DAB2IP: variants seen among roughly 807,000 people sequenced by gnomAD.
DAB2IP encodes the protein DAB2 interacting protein.
In DAB2IP, 28 loss-of-function variants were observed where a neutral mutation model predicts 107.2. The observed-to-expected ratio is 0.26, with a 90% CI of 0.19 to 0.36. The LOEUF is 0.36. DAB2IP is among the 10% of genes least tolerant of loss of function. The pLI is 1.00. For synonymous variants in DAB2IP, 755 were observed against 706.4 expected, an observed-to-expected ratio of 1.07 and a Z score of -1.09; for missense variants, 1,400 against 1,644.7, an observed-to-expected ratio of 0.85 and a Z score of 2.57.
At chr9:121,770,671 C>A (rs376071498) in exon 11 of DAB2IP, 2 of 1,614,118 alleles carry the variant, frequency 1.2e-6, no homozygotes, top group Non-Finnish European at 1.7e-6. Context: ...GCTCTGGCAG[C>A]AGCAGCATCT....
chr9:121,659,161 G>T (rs1833092096), intron 1 of DAB2IP, among the ~76,000 whole-genome samples: 1 of 152,230 alleles, frequency 6.6e-6, no homozygotes, highest in African/African-American at 2.4e-5. Flanking sequence ...GAAGAGGAGA[G>T]AGTGGGGCCC....
At chr9:121,660,050 A>G (rs1366137063) in intron 1 of DAB2IP, among the ~76,000 whole-genome samples, 1 of 151,990 alleles carries the variant, frequency 6.6e-6, no homozygotes, top group Non-Finnish European at 1.5e-5. Context: ...AGGTTAGCAG[A>G]TGGTGTGACT....
At chr9:121,745,792 C>T (rs1832682426) in intron 3 of DAB2IP, among the ~76,000 whole-genome samples, 1 of 152,244 alleles carries the variant, frequency 6.6e-6, no homozygotes, top group Non-Finnish European at 1.5e-5. Context: ...CTTCCCTTCA[C>T]ATCTTCACCT....
chr9:121,584,699 T>A (rs556670084), intron 1 of DAB2IP, among the ~76,000 whole-genome samples: 3 of 152,150 alleles, frequency 2.0e-5, no homozygotes, highest in Non-Finnish European at 4.4e-5. Context: ...ACTTAGTTTC[T>A]GGGGCAAAGG....
intron 3 of DAB2IP, among the ~76,000 whole-genome samples, chr9:121,719,935 CACT>C (rs2118812113): frequency 6.6e-6 from 1 of 152,298 alleles, no homozygotes; most frequent in South Asian, 2.1e-4. Flanking sequence ...GTGTGGGGGC[CACT>C]AAGAGAGTGT....
intron 1 of DAB2IP, among the ~76,000 whole-genome samples, chr9:121,611,588 A>G (rs995508399): frequency 6.6e-6 from 1 of 151,980 alleles, no homozygotes; most frequent in Non-Finnish European, 1.5e-5. Context: ...TATTATTATT[A>G]TTTTTTAATT....
exon 6 of DAB2IP, chr9:121,759,894 C>T (rs745539654): frequency 1.1e-5 from 18 of 1,612,588 alleles, no homozygotes; most frequent in Middle Eastern, 1.6e-4. Flanking sequence ...GGACAACAGC[C>T]GGCGTGTGGA....
chr9:121,659,261 A>G (rs939908190), intron 1 of DAB2IP, among the ~76,000 whole-genome samples: 2 of 152,178 alleles, frequency 1.3e-5, no homozygotes. Flanking sequence ...CTGGAAACCA[A>G]TAAATTGGTA....
In DAB2IP at chr9:121,782,614, C is replaced by T. The variant is rs1023734068; in HGVS notation, c.*116C>T. On this transcript the variant is annotated 3_prime_UTR_variant, in exon 16 of 16. Coordinates refer to ENST00000408936, the Ensembl canonical transcript of DAB2IP. The surrounding 1 kb of genome is among the most constrained non-coding windows in gnomAD (Gnocchi z 6.1). ...AGCCCCAGCGCGGGTGTCAGGAGGC[C>T]GAGCCTCCCCTCCCTGCCGCTGTCC... 35 of 1,512,034 alleles carry T rather than the reference C, an allele frequency of 2.3e-5. No individual in the cohort carries two copies. The African/African-American group carries it at 2.5e-4, about 11-fold the overall frequency. 93.7% of individuals were successfully genotyped at this position (1,512,034 alleles called of 1,614,324 possible). A position where few individuals can be genotyped will look rare whatever the true frequency, so the allele number is the denominator to read the frequency against.
At chr9:121,643,392 T>C (rs1463481179) in intron 1 of DAB2IP, among the ~76,000 whole-genome samples, 1 of 151,986 alleles carries the variant, frequency 6.6e-6, no homozygotes, top group Non-Finnish European at 1.5e-5. Context: ...GTTCTGCCCT[T>C]ACCACTTCTC....
At chr9:121,597,640 T>C (rs536708284) in intron 1 of DAB2IP, among the ~76,000 whole-genome samples, 1 of 152,310 alleles carries the variant, frequency 6.6e-6, no homozygotes, top group East Asian at 1.9e-4. Context: ...AATGCTTTTG[T>C]TTACAAAAGG....
At position 121,609,392 on chromosome 9, in the gene DAB2IP, A is replaced by C. The variant is rs540823195; in HGVS notation, c.40+42164A>C. Among the ~76,000 whole-genome samples, 8 of 152,208 alleles carry C rather than the reference A, an allele frequency of 5.3e-5. No homozygotes were observed. In the South Asian group the frequency reaches 1.5e-3, roughly 28 times the overall value. ...TTTTACAGGCTGTCTAGTGCATCTG[A>C]CACCCTGCCACTGACAAGCTCCCAG... On this transcript the variant is annotated intron_variant, in intron 1 of 16. Transcript: ENST00000259371.
At chr9:121,592,880 C>A (rs1242668465) in intron 1 of DAB2IP, among the ~76,000 whole-genome samples, 1 of 152,104 alleles carries the variant, frequency 6.6e-6, no homozygotes, top group Non-Finnish European at 1.5e-5. Context: ...CATGTGAGAA[C>A]AGACTGGAGG....
At chr9:121,676,350 T>C (rs867387812) in intron 1 of DAB2IP, among the ~76,000 whole-genome samples, 6 of 152,182 alleles carry the variant, frequency 3.9e-5, no homozygotes, top group East Asian at 3.8e-4. Context: ...TGTGTGTGTG[T>C]GCGCACGTCC....
intron 8 of DAB2IP, among the ~76,000 whole-genome samples, chr9:121,765,944 G>T (rs1177988174): frequency 6.6e-6 from 1 of 152,060 alleles, no homozygotes; most frequent in Non-Finnish European, 1.5e-5. Context: ...CCATCTTCTT[G>T]ATCTTTCTGA....
intron 3 of DAB2IP, among the ~76,000 whole-genome samples, chr9:121,716,584 C>T (rs928408995): frequency 7.9e-5 from 12 of 152,172 alleles, no homozygotes; most frequent in African/African-American, 2.9e-4. Flanking sequence ...TAGAGACTGG[C>T]CCTGAGAGTA....
chr9:121,626,258 C>T (rs1245779854), intron 1 of DAB2IP, among the ~76,000 whole-genome samples: 12 of 151,720 alleles, frequency 7.9e-5, no homozygotes. Context: ...CTGGAGGCTG[C>T]AGAGATATAT....
At chr9:121,720,040 A>G (rs1830833302) in intron 3 of DAB2IP, among the ~76,000 whole-genome samples, 2 of 152,100 alleles carry the variant, frequency 1.3e-5, no homozygotes, top group Non-Finnish European at 2.9e-5. Context: ...AAGCCTGGCA[A>G]CTCTCTTCAA....
At position 121,678,794 on chromosome 9, in the gene DAB2IP, G is replaced by T; in HGVS notation, c.228+13G>T. 6.4e-7 allele frequency: 1 copy of T among 1,557,194 alleles called. No individual in the cohort carries two copies. Among genetic ancestry groups the T allele is most frequent in the Non-Finnish European group, 8.7e-7 (1 of 1,146,884 alleles). On this transcript the variant is annotated intron_variant, in intron 2 of 15. Coordinates refer to ENST00000408936, the Ensembl canonical transcript of DAB2IP. Reference sequence around the variant, plus strand: ...GTTCCGGGTCACGGTAACTATCTCTGCGTCACCAACACCGCCACTGCCACC... The same window carrying T: ...GTTCCGGGTCACGGTAACTATCTCTTCGTCACCAACACCGCCACTGCCACC...
Sources: gnomAD v4.1 joint callset for allele counts (sites outside exome capture counted in the v4.1 genomes callset) on GRCh38, gnomAD v4.1.1 for gene constraint, Gnocchi (gnomAD v3.1) non-coding constraint, MANE v1.5 for transcripts, NCBI Gene and HGNC (gene_info 2026-07-23, HGNC 2026-07-21) for gene names.